Variants in NEB observed in about 807,000 individuals in gnomAD.
NEB encodes nemaline myopathy type 2.
NEB carries 512 observed loss-of-function variants against 952.2 expected under a neutral mutation model. The observed-to-expected ratio is 0.54, with a 90% confidence interval of 0.50 to 0.58. The LOEUF (loss-of-function observed/expected upper bound fraction) is 0.58. NEB is among the 20% of genes least tolerant of loss of function. The pLI, the probability that NEB is intolerant of heterozygous loss-of-function variation, is 0.00. For synonymous variants in NEB, 2,900 were observed against 3,149.8 expected, an observed-to-expected ratio of 0.92 and a Z score of 2.66; for missense variants, 8,428 against 9,231.1, an observed-to-expected ratio of 0.91 and a Z score of 3.56.
chr2:151,680,161 G>GAATA, intron 30 of NEB, 139 bp from the exon 31 acceptor site: 2 of 679,648 alleles, frequency 2.9e-6, no homozygotes, highest in South Asian at 1.8e-5. Context: ...GCATATTCAT[G>GAATA]TGCAAATATC....
chr2:151,680,096 C>T (rs1175809053), intron 30 of NEB, 74 bp from the exon 31 acceptor site: 2 of 1,087,108 alleles, frequency 1.8e-6, no homozygotes, highest in East Asian at 2.4e-5. Context: ...AAATAATTTC[C>T]TAATGGATCA....
At position 151,525,259 on chromosome 2, in the gene NEB, C is replaced by A. The variant is rs2085023338; in HGVS notation, c.22176G>T (p.Lys7392Asn). 1.2e-6 allele frequency: 2 copies of A among 1,612,532 alleles called. No individual in the cohort carries two copies. The highest frequency in any genetic ancestry group is 1.7e-6 in the Non-Finnish European group (2 of 1,178,688). ...ATTTTCCTTTCTCCTTGACAAACTT[C>A]TTTTTGTAATTTGTCTAAATAGAGC... The part of the protein sequence containing the change: ...TKHVSDTNYK[K>N]KFVKEKGKSN... The change falls in exon 151 of 182, where the codon AAG becomes AAT. Residue 7392 changes from lysine to asparagine, a missense_variant. Lys to Asn is a moderately conservative substitution (Grantham distance 94, BLOSUM62 0). Coordinates refer to ENST00000397345, the MANE Select transcript of NEB (RefSeq NM_001164508.2).
intron 157 of NEB, among the ~76,000 whole-genome samples, chr2:151,515,627 T>C (rs1256562594): frequency 1.3e-5 from 2 of 152,228 alleles, no homozygotes; most frequent in African/African-American, 2.4e-5. Flanking sequence ...GTCTCCAGAC[T>C]TAGCTGACTC....
chr2:151,689,923 ATATTT>A (rs2099534674), intron 24 of NEB: 1 of 152,236 alleles, frequency 6.6e-6, no homozygotes, highest in Admixed American at 6.5e-5. Context: ...TCATTAAAAT[ATATTT>A]TATAGTAGGA....
At chr2:151,724,456 T>A (rs910165956) in intron 7 of NEB, 92 bp from the exon 8 acceptor site, 1 of 942,328 alleles carries the variant, frequency 1.1e-6, no homozygotes, top group South Asian at 1.4e-5. Context: ...AAGGCATGCT[T>A]GCTCAGAGGT....
chr2:151,729,032 T>A (rs529524492), intron 4 of NEB, among the ~76,000 whole-genome samples: 1 of 151,556 alleles, frequency 6.6e-6, no homozygotes, highest in African/African-American at 2.4e-5. Context: ...AACAGCTGCA[T>A]GCAGAAAATA....
chr2:151,729,101 T>C (rs1328929227), intron 4 of NEB, among the ~76,000 whole-genome samples: 1 of 152,094 alleles, frequency 6.6e-6, no homozygotes, highest in East Asian at 1.9e-4. Flanking sequence ...GGAATATTTA[T>C]GGTAATAGGT....
intron 151 of NEB, 135 bp from the exon 152 acceptor site, chr2:151,524,751 C>A: frequency 1.4e-6 from 1 of 695,532 alleles, no homozygotes; most frequent in Non-Finnish European, 2.3e-6. Flanking sequence ...ACTGCAACTT[C>A]TGTCTCCCGG....
chr2:151,729,652 T>A lies in NEB; in HGVS notation c.41A>T (p.Tyr14Phe). The change falls in exon 4 of 182, where the codon TAC (tyrosine) becomes TTC (phenylalanine). Residue 14 changes from tyrosine to phenylalanine, a missense_variant. Around this residue, in one of 11 missense-constraint regions of NEB, gnomAD observed 2,851 missense variants for 2,791.5 expected, o/e 1.02. Coordinates refer to ENST00000397345, the MANE Select transcript of NEB (RefSeq NM_001164508.2). ...DEDYEEVVEY[Y>F]TEEVVYEEVP... is the part of the protein sequence containing the mutation. ...CTCTTCGTAAACCACTTCTTCTGTG[T>A]AGTACTGTAAATAGAGCACAAAGGC... The A allele has an allele frequency of 6.2e-7, 1 of 1,613,342 alleles. No individual in the cohort carries two copies.
At chr2:151,544,756 G>A (rs1014807696) in intron 135 of NEB, among the ~76,000 whole-genome samples, 1 of 152,182 alleles carries the variant, frequency 6.6e-6, no homozygotes, top group Admixed American at 6.5e-5. Flanking sequence ...TCAGGGCATC[G>A]CTAAGAGCCT....
At chr2:151,516,348 G>C (rs1559450258) in intron 157 of NEB, 111 bp downstream of exon 157, 1 of 655,840 alleles carries the variant, frequency 1.5e-6, no homozygotes. Context: ...ATGATAAAAA[G>C]TTTCATCAGC....
chr2:151,728,122 T>C (rs866751065), intron 4 of NEB, among the ~76,000 whole-genome samples: 4 of 152,208 alleles, frequency 2.6e-5, no homozygotes, highest in Non-Finnish European at 4.4e-5. Flanking sequence ...TTGCGTGGAA[T>C]AAAAAGTTTA....
At chr2:151,667,758 T>C in intron 40 of NEB, 46 bp downstream of exon 40, 1 of 1,508,330 alleles carries the variant, frequency 6.6e-7, no homozygotes, top group Non-Finnish European at 9.2e-7. Flanking sequence ...CTTGAACTCC[T>C]GAAGTCTTTT....
chr2:151,700,160 G>T, intron 13 of NEB, among the ~76,000 whole-genome samples: 1 of 46,614 alleles, frequency 2.1e-5, no homozygotes, highest in African/African-American at 8.6e-5. Flanking sequence ...GTTTGTCAAA[G>T]ATCAGATAGT....
chr2:151,652,551 C>A (rs1325637012), intron 52 of NEB, among the ~76,000 whole-genome samples: 2 of 152,062 alleles, frequency 1.3e-5, no homozygotes, highest in African/African-American at 4.8e-5. Flanking sequence ...TTTTAAGTAT[C>A]TACAGAATTT....
rs779404232 is a variant in NEB at position 151,633,893 on chromosome 2, T to G, written c.9175A>C (p.Lys3059Gln). 5.6e-6 allele frequency: 9 copies of G among 1,614,004 alleles called. No individual in the cohort carries two copies. Among genetic ancestry groups the G allele is most frequent in the South Asian group, 2.2e-5 (2 of 91,086 alleles). The change falls in exon 65 of 182, where the codon AAG becomes CAG. Residue 3059 changes from lysine (K) to glutamine (Q), a missense_variant. Coordinates refer to ENST00000397345, the MANE Select transcript of NEB (RefSeq NM_001164508.2). ...GCTACGTGCATGGACCACATCATCT[T>G]GGGGTCATCTTCAATGTTCCGGGCT... is the stretch of plus-strand genomic sequence containing the variant. The part of the protein sequence containing the change: ...IGARNIEDDP[K>Q]MMWSMHVAKI...
In NEB at chr2:151,716,143, T is replaced by C. The variant is rs1403898210; in HGVS notation, c.822+1273A>G. 10 of 437,138 alleles carry C rather than the reference T, an allele frequency of 2.3e-5. No individual in the cohort carries two copies. The East Asian group carries it at 5.6e-4, about 24-fold the overall frequency. The allele number at this position is 437,138 out of a possible 1,614,324, so 27.1% of individuals were successfully genotyped here. ...AACACTTTCTTTCTTTTTTTTTTTC[T>C]TTTTTTCTCTTTTTGAGACAGTTTC... is the stretch of plus-strand genomic sequence containing the variant. On this transcript the variant is annotated intron_variant, in intron 10 of 181. Transcript: ENST00000397345.
chr2:151,501,316 A>T (rs545304760), intron 168 of NEB, 75 bp downstream of exon 168: 1 of 981,138 alleles, frequency 1.0e-6, no homozygotes, highest in East Asian at 2.6e-5. Context: ...TTATAAAGGG[A>T]TGAACAGTGA....
Position 151,618,357 on chromosome 2 carries a change from C to A in NEB, c.10994G>T (p.Arg3665Leu). ...ELLSDTIYRQ[R>L]PETLKFTSIT... ...ACTGGTAAATTTCAGCGTTTCTGGACGCTGACGGTAGATAGTATCACTAAG... is the reference window on the plus strand; with the variant it reads ...ACTGGTAAATTTCAGCGTTTCTGGAAGCTGACGGTAGATAGTATCACTAAG... The change falls in exon 74 of 182, where the codon CGT becomes CTT. Residue 3665 changes from arginine to leucine, a missense_variant. Physicochemically the swap from Arg to Leu is moderately radical, Grantham distance 102 (BLOSUM62 -2). Transcript: ENST00000397345. The A allele has an allele frequency of 1.2e-6, 2 of 1,613,976 alleles. No homozygotes were observed. Among genetic ancestry groups the A allele is most frequent in the South Asian group, 2.2e-5 (2 of 91,078 alleles).
Sources: allele counts gnomAD v4.1 joint callset (sites outside exome capture counted in the v4.1 genomes callset), GRCh38; gene constraint gnomAD v4.1.1; regional missense constraint gnomAD v4.1.1; transcripts MANE v1.5; gene names NCBI Gene and HGNC (gene_info 2026-07-23, HGNC 2026-07-21).